MED25: variants seen among roughly 807,000 people sequenced by gnomAD.
MED25 encodes the protein mediator complex subunit 25, also known as mediator of RNA polymerase II transcription subunit 25.
In MED25, 62 loss-of-function variants were observed where a neutral mutation model predicts 89.4. The ratio of observed to expected loss-of-function variants is 0.69; its 90% CI spans 0.57 to 0.86. The LOEUF is 0.86. Among genes scored for constraint, MED25 ranks in the 40% least tolerant of loss-of-function variants. MED25 has a pLI of 0.00. For missense variants in MED25, 905 were observed against 1,005.2 expected (o/e 0.90, Z 1.35); for synonymous variants, 449 against 427.9 (o/e 1.05, Z -0.61).
chr19:49,836,119 A>G lies in MED25; in HGVS notation c.1966-107A>G. On this transcript the variant is annotated intron_variant, in intron 16 of 17. Transcript: ENST00000312865. This position sits in a 1 kb window ranked among gnomAD's most constrained non-coding sequence, Gnocchi z 5.1. ...CTCCGTCCATCCCCCACCTTTGAAG[A>G]AAAACTTCCCCTCACCACTAGCTGA... The G allele has an allele frequency of 1.3e-6, 2 of 1,523,122 alleles. No individual in the cohort carries two copies. Among genetic ancestry groups the G allele is most frequent in the Non-Finnish European group, 1.8e-6 (2 of 1,116,698 alleles). The allele number at this position is 1,523,122 out of a possible 1,614,324, so 94.4% of individuals were successfully genotyped here. A position where few individuals can be genotyped will look rare whatever the true frequency, so the allele number is the denominator to read the frequency against.
rs780010072 is a variant in MED25, at chr19:49,830,500, T to G, written c.820-11T>G. On this transcript the variant is annotated splice_polypyrimidine_tract_variant and intron_variant, in intron 7 of 17. Coordinates refer to ENST00000312865, the MANE Select transcript of MED25 (RefSeq NM_030973.4). This position sits in a 1 kb window ranked among gnomAD's most constrained non-coding sequence, Gnocchi z 4.6. ...TCACCAGTCCCTTCCCTTCTTCCCT[T>G]CTACCCACAGGTTCCCGGGAACCTG... is the stretch of plus-strand genomic sequence containing the variant. 6.8e-6 allele frequency: 11 copies of G among 1,613,542 alleles called. No individual in the cohort carries two copies. Among genetic ancestry groups the G allele is most frequent in the Non-Finnish European group, 8.5e-6 (10 of 1,179,670 alleles).
chr19:49,835,959 G>T lies in MED25; in HGVS notation c.1965+14G>T, dbSNP rs1457024436. On this transcript the variant is annotated intron_variant, in intron 16 of 17. Coordinates refer to ENST00000312865, the MANE Select transcript of MED25 (RefSeq NM_030973.4). The surrounding 1 kb of genome is among the most constrained non-coding windows in gnomAD (Gnocchi z 6.2). The stretch of plus-strand genomic sequence containing the variant: ...AACCCACCACCGGTGAGATGTTGGG[G>T]TGGGGTAGCGAGAGTTCCAGATCCT... The T allele has an allele frequency of 3.7e-6, 6 of 1,612,630 alleles. No individual in the cohort carries two copies. Among genetic ancestry groups the T allele is most frequent in the South Asian group, 1.1e-5 (1 of 91,036 alleles).
At chr19:49,832,817 C>T (rs1463972498) in intron 13 of MED25, 5 of 331,004 alleles carry the variant, frequency 1.5e-5, no homozygotes, top group Non-Finnish European at 2.9e-5. Context: ...AGCAGGGCCA[C>T]GCTCTCTCTA....
At chr19:49,818,810 C>T (rs1244409014) in intron 2 of MED25, 194 bp downstream of exon 2, 2 of 627,666 alleles carry the variant, frequency 3.2e-6, no homozygotes, top group Non-Finnish European at 5.5e-6. Context: ...GGCGCTGGGG[C>T]CCGGATTCCT....
intron 3 of MED25, 53 bp from the exon 4 acceptor site, chr19:49,828,396 C>T: frequency 8.1e-7 from 1 of 1,229,836 alleles, no homozygotes; most frequent in Non-Finnish European, 1.2e-6. Context: ...TCAAGCATAG[C>T]CTGGGGATGG....
At position 49,830,872 on chromosome 19, in the gene MED25, C is replaced by T. The variant is rs780086993; in HGVS notation, c.1086C>T (p.Pro362=). Reference sequence around the variant, plus strand: ...CCGGCCTGGCTCCCACGGCACAGCCCGGGGCACCGTCCATGGTAGGTGCCT... The same window carrying T: ...CCGGCCTGGCTCCCACGGCACAGCCTGGGGCACCGTCCATGGTAGGTGCCT... The part of the protein sequence containing the change: ...PGSGLAPTAQ[P]GAPSMAGTVA... The change falls in exon 9 of 18, where the codon CCC becomes CCT. Residue 362 remains proline (P), a synonymous_variant. Transcript: ENST00000312865. This position sits in a 1 kb window ranked among gnomAD's most constrained non-coding sequence, Gnocchi z 4.6. 2.3e-5 allele frequency: 37 copies of T among 1,609,828 alleles called. No individual in the cohort carries two copies. Among genetic ancestry groups the T allele is most frequent in the East Asian group, 1.1e-4 (5 of 44,852 alleles).
intron 3 of MED25, among the ~76,000 whole-genome samples, chr19:49,822,469 C>T (rs552399937): frequency 5.9e-5 from 9 of 151,560 alleles, no homozygotes; most frequent in Non-Finnish European, 1.0e-4. Flanking sequence ...GAGACAAGGT[C>T]CTGCAATGTT....
rs201112045 is a variant in MED25, at chr19:49,829,956, C to T, written c.688+8C>T. 7 of 1,608,228 alleles carry T rather than the reference C, an allele frequency of 4.4e-6. No homozygotes were observed. Among genetic ancestry groups the T allele is most frequent in the African/African-American group, 2.7e-5 (2 of 74,854 alleles). On this transcript the variant is annotated splice_region_variant and intron_variant, in intron 6 of 17. Coordinates refer to ENST00000312865, the MANE Select transcript of MED25 (RefSeq NM_030973.4). This position sits in a 1 kb window ranked among gnomAD's most constrained non-coding sequence, Gnocchi z 4.6. The stretch of plus-strand genomic sequence containing the variant: ...GGGGACTCGTGCTGCCTGGTGAGGC[C>T]TGGGCACCGTGCGCGGGGATGGGGG...
chr19:49,819,303 T>G lies in MED25; in HGVS notation c.305+7T>G. ...CCTGGCTCGATGGCATTAAGTGAGC[T>G]TTCCCCCACTTGGGGTGGGTTGCTG... is the stretch of plus-strand genomic sequence containing the variant. On this transcript the variant is annotated splice_region_variant and intron_variant, in intron 3 of 17. Coordinates refer to ENST00000312865, the MANE Select transcript of MED25 (RefSeq NM_030973.4). 1 of 1,476,208 alleles carries G rather than the reference T, an allele frequency of 6.8e-7. No individual in the cohort carries two copies. The highest frequency in any genetic ancestry group is 1.1e-5 in the South Asian group (1 of 87,990). 91.4% of individuals were successfully genotyped at this position (1,476,208 alleles called of 1,614,324 possible).
chr19:49,819,041 G>T, intron 2 of MED25, 131 bp from the exon 3 acceptor site: 1 of 1,146,716 alleles, frequency 8.7e-7, no homozygotes. Context: ...CGAGATTGCT[G>T]GGTCTGAGGA....
Position 49,829,137 on chromosome 19 carries a change from CT to C in MED25, c.525+49del. ...GGACGAGGGTCTGGGGGCCCGGAGT[CT>C]TGGGTCTGAGGCAGGAGGCACTGAG... On this transcript the variant is annotated intron_variant, in intron 5 of 17. Coordinates refer to ENST00000312865, the MANE Select transcript of MED25 (RefSeq NM_030973.4). This position sits in a 1 kb window ranked among gnomAD's most constrained non-coding sequence, Gnocchi z 4.6. 1 of 1,565,162 alleles carries C rather than the reference CT, an allele frequency of 6.4e-7. No individual in the cohort carries two copies. The highest frequency in any genetic ancestry group is 8.7e-7 in the Non-Finnish European group (1 of 1,145,618).
chr19:49,833,468 G>T (rs1430919370), intron 13 of MED25: 2 of 152,280 alleles, frequency 1.3e-5, no homozygotes, highest in African/African-American at 4.8e-5. Context: ...GAGCAGATCA[G>T]TTACTTCCGT....
At position 49,829,643 on chromosome 19, in the gene MED25, G is replaced by A; in HGVS notation, c.526-143G>A. ...CGGGGCAGGTGATACCTGGTTTCAG[G>A]GTCTCCTGCCTCAAAGCCCAATGGG... On this transcript the variant is annotated intron_variant, in intron 5 of 17. Coordinates refer to ENST00000312865, the MANE Select transcript of MED25 (RefSeq NM_030973.4). This position sits in a 1 kb window ranked among gnomAD's most constrained non-coding sequence, Gnocchi z 4.6. 3 of 859,072 alleles carry A rather than the reference G, an allele frequency of 3.5e-6. No individual in the cohort carries two copies. Among genetic ancestry groups the A allele is most frequent in the Non-Finnish European group, 5.4e-6 (3 of 557,650 alleles). The allele number at this position is 859,072 out of a possible 1,614,324, so 53.2% of individuals were successfully genotyped here.
chr19:49,835,654 G>T lies in MED25; in HGVS notation c.1746+49G>T. ...GGGGCTGGGTTGGGGAGGCCCCAAG[G>T]CTGCGCTCTGTGCCTGCAGAAGGGG... On this transcript the variant is annotated intron_variant, in intron 15 of 17. Coordinates refer to ENST00000312865, the MANE Select transcript of MED25 (RefSeq NM_030973.4). This position sits in a 1 kb window ranked among gnomAD's most constrained non-coding sequence, Gnocchi z 6.2. 1 of 1,564,532 alleles carries T rather than the reference G, an allele frequency of 6.4e-7. No homozygotes were observed. Among genetic ancestry groups the T allele is most frequent in the East Asian group, 2.4e-5 (1 of 41,654 alleles).
chr19:49,835,662 C>G lies in MED25; in HGVS notation c.1746+57C>G, dbSNP rs1035045776. On this transcript the variant is annotated intron_variant, in intron 15 of 17. Transcript: ENST00000312865. The surrounding 1 kb of genome is among the most constrained non-coding windows in gnomAD (Gnocchi z 6.2). The stretch of plus-strand genomic sequence containing the variant: ...GTTGGGGAGGCCCCAAGGCTGCGCT[C>G]TGTGCCTGCAGAAGGGGCGTGAGGC... 1.3e-6 allele frequency: 2 copies of G among 1,572,634 alleles called. No individual in the cohort carries two copies. The highest frequency in any genetic ancestry group is 1.4e-5 in the African/African-American group (1 of 73,694).
Position 49,818,380 on chromosome 19 carries a change from C to T in MED25, c.39C>T (p.Ser13=), listed in dbSNP as rs2073953435. The T allele has an allele frequency of 6.2e-7, 1 of 1,611,734 alleles. No individual in the cohort carries two copies. The highest frequency in any genetic ancestry group is 1.7e-5 in the Admixed American group (1 of 59,662). The change falls in exon 1 of 18, where the codon AGC becomes AGT. Residue 13 remains serine, a synonymous_variant. Coordinates refer to ENST00000312865, the MANE Select transcript of MED25 (RefSeq NM_030973.4). ...CCGAGGGCCCGGCCCGCGCCGGGAG[C>T]GTGGTGGCCGACGTGGTGTTTGTGA... ...PGSEGPARAG[S]VVADVVFVIE...
chr19:49,839,884 C>A (rs993445096), downstream of MED25: 1 of 152,222 alleles, frequency 6.6e-6, no homozygotes, highest in African/African-American at 2.4e-5. Context: ...GTCCAGTTTG[C>A]CTTTGTTGGC....
At chr19:49,837,475 G>A (rs2074107851), downstream of MED25, among the ~76,000 whole-genome samples, 1 of 152,198 alleles carries the variant, frequency 6.6e-6, no homozygotes, top group South Asian at 2.1e-4. Flanking sequence ...AGCAGCCCAT[G>A]GTTTGTCCTG....
rs187800568 is a variant in MED25 at position 49,829,490 on chromosome 19, A to G, written c.526-296A>G. Among the ~76,000 whole-genome samples the G allele has an allele frequency of 7.9e-5, 12 of 152,160 alleles. No homozygotes were observed. The highest frequency in any genetic ancestry group is 2.9e-4 in the African/African-American group (12 of 41,510). ...GATGAGGTTTCACCATGTTGGCCAGACTGCTCTCAAACTCCTGGCCTCATG... is the reference window on the plus strand; with the variant it reads ...GATGAGGTTTCACCATGTTGGCCAGGCTGCTCTCAAACTCCTGGCCTCATG... On this transcript the variant is annotated intron_variant, in intron 5 of 17. Transcript: ENST00000312865. The surrounding 1 kb of genome is among the most constrained non-coding windows in gnomAD (Gnocchi z 4.6).
Sources: gnomAD v4.1 joint callset for allele counts (sites outside exome capture counted in the v4.1 genomes callset) on GRCh38, gnomAD v4.1.1 for gene constraint, Gnocchi (gnomAD v3.1) non-coding constraint, MANE v1.5 for transcripts, NCBI Gene and HGNC (gene_info 2026-07-23, HGNC 2026-07-21) for gene names.